The following SMTN variants were observed in gnomAD, a reference collection of about 807,000 sequenced individuals.
The protein encoded by SMTN is smoothelin.
A neutral mutation model predicts 102.0 loss-of-function variants in SMTN; 58 were observed. That is an observed-to-expected ratio of 0.57 (90% CI 0.46 to 0.71). SMTN has a LOEUF of 0.71. Ranked by LOEUF, SMTN falls within the 30% of genes least tolerant of loss-of-function variation. The pLI is 0.00. For synonymous variants in SMTN, 478 were observed against 497.9 expected, an observed-to-expected ratio of 0.96 and a Z score of 0.53; for missense variants, 1,185 against 1,241.7, an observed-to-expected ratio of 0.95 and a Z score of 0.69.
At chr22:31,089,070 G>A (rs1430275426) in intron 6 of SMTN, 101 bp downstream of exon 6, 2 of 896,500 alleles carry the variant, frequency 2.2e-6, no homozygotes, top group Admixed American at 2.3e-5. Flanking sequence ...ACTGTAAGGG[G>A]CCCACCCCTG....
chr22:31,068,678 G>C (rs986395449), intron 1 of SMTN, among the ~76,000 whole-genome samples: 3 of 152,152 alleles, frequency 2.0e-5, no homozygotes, highest in Non-Finnish European at 4.4e-5. Context: ...CTTCGTTGAC[G>C]CCAGATCCTT....
intron 2 of SMTN, chr22:31,083,522 C>G: frequency 1.8e-6 from 1 of 555,554 alleles, no homozygotes; most frequent in South Asian, 2.3e-5. Flanking sequence ...CCTAGTCCCT[C>G]CCAACCCTCC....
intron 11 of SMTN, chr22:31,093,532 G>A (rs1284603165): frequency 2.9e-6 from 2 of 701,246 alleles, no homozygotes; most frequent in Non-Finnish European, 5.3e-6. Flanking sequence ...GCTGCGGGCG[G>A]TGGCTGAAGC....
chr22:31,088,191 T>C, intron 3 of SMTN, 78 bp downstream of exon 3: 1 of 1,446,282 alleles, frequency 6.9e-7, no homozygotes. Context: ...CAGGCAGGCG[T>C]GAGCACAAGT....
chr22:31,096,833 C>T lies in SMTN; in HGVS notation c.1962C>T (p.Ser654=), dbSNP rs939019221. The stretch of plus-strand genomic sequence containing the variant: ...CCACTGAGACCACCACGAGGCACAG[C>T]CAGCGGGCAGCTGATGGCTCTGCTG... The part of the protein sequence containing the change: ...NTATETTTRH[S]QRAADGSAVS... Residue 654 remains serine, a synonymous_variant, in exon 14 of 21, where the codon AGC becomes AGT. Coordinates refer to ENST00000333137, the MANE Select transcript of SMTN (RefSeq NM_134269.3). 13 of 1,574,960 alleles carry T rather than the reference C, an allele frequency of 8.3e-6. No homozygotes were observed. The highest frequency in any genetic ancestry group is 1.0e-5 in the Non-Finnish European group (12 of 1,157,740).
Position 31,089,801 on chromosome 22 carries a change from C to G in SMTN, c.574C>G (p.Arg192Gly), listed in dbSNP as rs2042977400. The change falls in exon 7 of 21, where the codon CGA (arginine) becomes GGA (glycine). Residue 192 changes from arginine to glycine, a missense_variant. Coordinates refer to ENST00000333137, the MANE Select transcript of SMTN (RefSeq NM_134269.3). ...QDVTTVTLLL[R>G]APPGSTSSSP... ...TGTGACCACAGTGACACTCCTGCTG[C>G]GAGCCCCACCTGGGAGCACATCCAG... The G allele has an allele frequency of 2.5e-6, 4 of 1,613,398 alleles. No individual in the cohort carries two copies. The highest frequency in any genetic ancestry group is 3.3e-5 in the Admixed American group (2 of 60,002).
chr22:31,066,600 C>G (rs1290409419), intron 1 of SMTN: 1 of 152,198 alleles, frequency 6.6e-6, no homozygotes, highest in African/African-American at 2.4e-5. Flanking sequence ...AGCCACCGTG[C>G]CCAGCCAAAC....
chr22:31,074,125 C>T (rs2042072836), intron 1 of SMTN, among the ~76,000 whole-genome samples: 1 of 152,196 alleles, frequency 6.6e-6, no homozygotes, highest in South Asian at 2.1e-4. Context: ...GTGGCTCACA[C>T]CTGTGTAATT....
chr22:31,095,507 G>C lies in SMTN; in HGVS notation c.1786-27G>C. Reference sequence around the variant, plus strand: ...GTTGGCAGAGGCCAGCAGGCACCAGGTAGGCAATGATGGGCTCTATATGCA... The same window carrying C: ...GTTGGCAGAGGCCAGCAGGCACCAGCTAGGCAATGATGGGCTCTATATGCA... On this transcript the variant is annotated intron_variant, in intron 12 of 20. Transcript: ENST00000333137. The surrounding 1 kb of genome is among the most constrained non-coding windows in gnomAD (Gnocchi z 4.1). The C allele has an allele frequency of 6.2e-7, 1 of 1,614,228 alleles. No homozygotes were observed. The highest frequency in any genetic ancestry group is 1.3e-5 in the African/African-American group (1 of 75,080).
chr22:31,089,422 C>T (rs1383498836), intron 6 of SMTN, among the ~76,000 whole-genome samples: 5 of 152,212 alleles, frequency 3.3e-5, no homozygotes, highest in African/African-American at 1.2e-4. Flanking sequence ...GGCTCCCGTC[C>T]CCAATAGGTC....
chr22:31,091,840 G>A lies in SMTN; in HGVS notation c.1625G>A (p.Ser542Asn), dbSNP rs772241930. ...HAPPSSRGGC[S>N]IKMEAEPAEP... is the part of the protein sequence containing the mutation. Reference sequence around the variant, plus strand: ...CCCCCCAGTAGCCGAGGAGGCTGCAGCATCAAGGTGAGCCCCTCCTCACCC... The same window carrying A: ...CCCCCCAGTAGCCGAGGAGGCTGCAACATCAAGGTGAGCCCCTCCTCACCC... Residue 542 changes from serine (S) to asparagine (N), a missense_variant, in exon 11 of 21, where the codon AGC (serine) becomes AAC (asparagine). Physicochemically the swap from Ser to Asn is conservative, Grantham distance 46. This residue lies in a region of SMTN where 1,096 missense variants were observed against 1,112.7 expected (regional missense o/e 0.98). Transcript: ENST00000333137. 13 of 1,584,988 alleles carry A rather than the reference G, an allele frequency of 8.2e-6. No individual in the cohort carries two copies. In the South Asian group the frequency reaches 1.4e-4, roughly 17 times the overall value.
At chr22:31,090,660 G>A in intron 8 of SMTN, 148 bp from the exon 9 acceptor site, 1 of 708,798 alleles carries the variant, frequency 1.4e-6, no homozygotes, top group Admixed American at 2.0e-5. Flanking sequence ...GATCCAGGAG[G>A]GGATGGAGAG....
At chr22:31,068,851 A>G (rs1357238488) in intron 1 of SMTN, among the ~76,000 whole-genome samples, 1 of 152,154 alleles carries the variant, frequency 6.6e-6, no homozygotes, top group Non-Finnish European at 1.5e-5. Flanking sequence ...GGAGCTTCAG[A>G]TACGTGCTCT....
chr22:31,093,955 T>G, intron 11 of SMTN: 1 of 927,530 alleles, frequency 1.1e-6, no homozygotes, highest in Non-Finnish European at 1.6e-6. Context: ...TGTCACCACC[T>G]TCTCTGAGCC....
At chr22:31,076,965 T>C (rs2042144491), upstream of SMTN, among the ~76,000 whole-genome samples, 1 of 152,156 alleles carries the variant, frequency 6.6e-6, no homozygotes, top group Non-Finnish European at 1.5e-5. Context: ...CCCTTCTTGT[T>C]ACAGTTTTTT....
chr22:31,097,520 A>G (rs2043689045), intron 16 of SMTN, among the ~76,000 whole-genome samples, 182 bp downstream of exon 16: 1 of 151,996 alleles, frequency 6.6e-6, no homozygotes, highest in Non-Finnish European at 1.5e-5. Context: ...CCTGGCCAAC[A>G]TGGTAAAACC....
At chr22:31,098,013 A>G (rs1213318225) in intron 16 of SMTN, among the ~76,000 whole-genome samples, 1 of 152,190 alleles carries the variant, frequency 6.6e-6, no homozygotes, top group Non-Finnish European at 1.5e-5. Context: ...TCTGCAAACC[A>G]TGTCCCAGGT....
At chr22:31,086,035 C>A (rs1010206084) in intron 2 of SMTN, among the ~76,000 whole-genome samples, 1 of 152,234 alleles carries the variant, frequency 6.6e-6, no homozygotes, top group Non-Finnish European at 1.5e-5. Flanking sequence ...ACAGAAGGGG[C>A]TGGACCCTCT....
At chr22:31,075,802 C>T (rs531663889) in intron 1 of SMTN, among the ~76,000 whole-genome samples, 6 of 151,980 alleles carry the variant, frequency 3.9e-5, no homozygotes, top group Non-Finnish European at 8.8e-5. Context: ...TAAGCAGTTG[C>T]TATTTTAAAG....
Sources: gnomAD v4.1 joint callset for allele counts (sites outside exome capture counted in the v4.1 genomes callset) on GRCh38, gnomAD v4.1.1 for gene constraint, gnomAD v4.1.1 regional missense constraint, Gnocchi (gnomAD v3.1) non-coding constraint, MANE v1.5 for transcripts, NCBI Gene and HGNC (gene_info 2026-07-23, HGNC 2026-07-21) for gene names.